Variants in TNIK observed in about 807,000 individuals in gnomAD.
The protein encoded by TNIK is TRAF2 and NCK-interacting protein kinase.
Under a neutral mutation model 191.3 loss-of-function variants are expected in TNIK, and 49 were observed. The ratio of observed to expected loss-of-function variants is 0.26; its 90% CI spans 0.20 to 0.32. TNIK has a LOEUF of 0.32. TNIK is among the 10% of genes least tolerant of loss of function. The pLI is 1.00. For synonymous variants in TNIK, 594 were observed against 600.9 expected (o/e 0.99, Z 0.17); for missense variants, 1,155 against 1,702.3 (o/e 0.68, Z 5.66).
intron 7 of TNIK, among the ~76,000 whole-genome samples, chr3:171,182,662 G>T (rs7374956): frequency 0.51 from 76,873 of 152,004 alleles, 20,932 homozygotes; most frequent in East Asian, 0.87. Context: ...GCTGGAAAGG[G>T]TGGGAGTGGG....
At chr3:171,187,292 T>TA (rs1312976242) in intron 7 of TNIK, among the ~76,000 whole-genome samples, 2 of 152,182 alleles carry the variant, frequency 1.3e-5, no homozygotes, top group Admixed American at 1.3e-4. Flanking sequence ...ATTAGCAGTT[T>TA]AAAAAAATGA....
At chr3:171,335,974 C>A (rs940482610) in intron 2 of TNIK, among the ~76,000 whole-genome samples, 2 of 151,966 alleles carry the variant, frequency 1.3e-5, no homozygotes, top group African/African-American at 4.8e-5. Flanking sequence ...TCATACAGTG[C>A]GTAGTGTATC....
In TNIK at chr3:171,153,425, A is replaced by G. The variant is rs996245683; in HGVS notation, c.1221+4035T>C. Among the ~76,000 whole-genome samples the G allele has an allele frequency of 1.1e-4, 17 of 152,030 alleles. 1 individual carries two copies. On this transcript the variant is annotated intron_variant, in intron 12 of 32. Coordinates refer to ENST00000436636, the MANE Select transcript of TNIK (RefSeq NM_015028.4). ...CAACTGCATGGATTGTACTACTACT[A>G]TTACTGTTGGCTGCTCTTCCTCATC...
At chr3:171,126,833 C>T (rs1728545430) in intron 16 of TNIK, among the ~76,000 whole-genome samples, 1 of 152,202 alleles carries the variant, frequency 6.6e-6, no homozygotes, top group South Asian at 2.1e-4. Flanking sequence ...AGTTAAGTAT[C>T]TCAACTAGGC....
chr3:171,276,947 T>C lies in TNIK; in HGVS notation c.124-48726A>G, dbSNP rs191981067. On this transcript the variant is annotated intron_variant, in intron 2 of 32. Coordinates refer to ENST00000436636, the MANE Select transcript of TNIK (RefSeq NM_015028.4). ...AGAAAGTCTATGCTTTAGATTGCTA[T>C]ACTTTAAATGTGTCCTTCCAAGTTC... Among the ~76,000 whole-genome samples the C allele has an allele frequency of 1.3e-3, 196 of 152,372 alleles. 1 individual carries two copies. Among genetic ancestry groups the C allele is most frequent in the Non-Finnish European group, 2.0e-3 (133 of 68,036 alleles).
chr3:171,423,073 T>G (rs1232426180), intron 1 of TNIK, among the ~76,000 whole-genome samples: 1 of 152,196 alleles, frequency 6.6e-6, no homozygotes, highest in Admixed American at 6.5e-5. Context: ...AGGTATTTAT[T>G]GCATAGCTAT....
intron 22 of TNIK, among the ~76,000 whole-genome samples, chr3:171,100,471 G>A (rs1723307977): frequency 6.6e-6 from 1 of 152,092 alleles, no homozygotes; most frequent in African/African-American, 2.4e-5. Context: ...TGCTGAAGTG[G>A]ACAATAATTT....
In TNIK at chr3:171,268,061, C is replaced by T. The variant is rs953262465; in HGVS notation, c.124-39840G>A. 4.6e-5 allele frequency among the ~76,000 whole-genome samples: 7 copies of T among 152,268 alleles called. No individual in the cohort carries two copies. The East Asian group carries it at 7.7e-4, about 17-fold the overall frequency. ...ACTCTGAGGAGTCCTTCTGGAAAACCGTCTCAAAACTTGAGCCTGATTGGG... is the reference window on the plus strand; with the variant it reads ...ACTCTGAGGAGTCCTTCTGGAAAACTGTCTCAAAACTTGAGCCTGATTGGG... On this transcript the variant is annotated intron_variant, in intron 2 of 32. Transcript: ENST00000436636.
intron 7 of TNIK, among the ~76,000 whole-genome samples, chr3:171,185,660 A>G (rs1267799388): frequency 6.6e-6 from 1 of 152,212 alleles, no homozygotes; most frequent in Non-Finnish European, 1.5e-5. Flanking sequence ...CCCAGTAGAT[A>G]TCACACAAAA....
At chr3:171,184,202 C>G (rs1737078912) in intron 7 of TNIK, among the ~76,000 whole-genome samples, 1 of 152,076 alleles carries the variant, frequency 6.6e-6, no homozygotes, top group African/African-American at 2.4e-5. Context: ...TCCTGTCTGA[C>G]TTCAAAGGAC....
chr3:171,330,919 G>A (rs1185331909), intron 2 of TNIK, among the ~76,000 whole-genome samples: 8 of 152,124 alleles, frequency 5.3e-5, no homozygotes, highest in East Asian at 3.9e-4. Flanking sequence ...GAACAGGTCC[G>A]TTTGACCTCA....
intron 28 of TNIK, among the ~76,000 whole-genome samples, chr3:171,078,476 G>A (rs1027628621): frequency 1.1e-4 from 17 of 149,214 alleles, no homozygotes; most frequent in Admixed American, 1.1e-3. Context: ...CCCCTACTTT[G>A]TTCTACCTTT....
chr3:171,140,527 G>A lies in TNIK; in HGVS notation c.1222-18C>T, dbSNP rs752048754. On this transcript the variant is annotated intron_variant, in intron 12 of 32. Transcript: ENST00000436636. ...CTTTGTTGCTGTGGGGCAACAAGCA[G>A]ACAACCATGAAGGCAACAGGCCCCG... 8.1e-6 allele frequency: 13 copies of A among 1,611,960 alleles called. No individual in the cohort carries two copies. In the East Asian group the frequency reaches 2.5e-4, roughly 30 times the overall value.
chr3:171,434,283 G>T (rs1725743431), intron 1 of TNIK, among the ~76,000 whole-genome samples: 1 of 151,620 alleles, frequency 6.6e-6, no homozygotes, highest in East Asian at 1.9e-4. Flanking sequence ...GTTTTTCTTG[G>T]CTCACAAAAA....
At chr3:171,185,826 C>CT (rs1737296022) in intron 7 of TNIK, among the ~76,000 whole-genome samples, 1 of 152,126 alleles carries the variant, frequency 6.6e-6, no homozygotes, top group African/African-American at 2.4e-5. Flanking sequence ...TACTCTTTTT[C>CT]TTTTTCTTCT....
intron 2 of TNIK, among the ~76,000 whole-genome samples, chr3:171,339,087 T>C (rs1439127880): frequency 6.6e-6 from 1 of 152,234 alleles, no homozygotes; most frequent in African/African-American, 2.4e-5. Flanking sequence ...TAATACATGC[T>C]AGTCAGAGGG....
intron 2 of TNIK, among the ~76,000 whole-genome samples, chr3:171,293,870 A>C (rs922949827): frequency 3.9e-5 from 6 of 152,150 alleles, no homozygotes; most frequent in African/African-American, 1.4e-4. Flanking sequence ...GCTTGAGACC[A>C]AGACTTCCAG....
intron 26 of TNIK, 116 bp downstream of exon 26, chr3:171,084,039 C>A: frequency 1.5e-6 from 2 of 1,338,828 alleles, no homozygotes; most frequent in Non-Finnish European, 2.0e-6. Context: ...GTCTCTAATA[C>A]CCAGGATTCA....
intron 2 of TNIK, among the ~76,000 whole-genome samples, chr3:171,252,792 A>G (rs1423749740): frequency 1.3e-5 from 2 of 152,170 alleles, no homozygotes; most frequent in African/African-American, 4.8e-5. Context: ...GAATGGGGAG[A>G]GCACTCGGTT....
Sources: allele counts gnomAD v4.1 joint callset (sites outside exome capture counted in the v4.1 genomes callset), GRCh38; gene constraint gnomAD v4.1.1; transcripts MANE v1.5; gene names NCBI Gene and HGNC (gene_info 2026-07-23, HGNC 2026-07-21).